The following ZNF678 variants were observed in gnomAD, a reference collection of about 807,000 sequenced individuals.
ZNF678 encodes zinc finger protein 678.
In ZNF678, 5 loss-of-function variants were observed where a neutral mutation model predicts 3.0. The observed-to-expected ratio is 1.69, with a 90% CI of 0.88 to 3.56. The LOEUF (loss-of-function observed/expected upper bound fraction) is 3.56, where lower values mean the gene tolerates loss of function less well. Ranked by LOEUF, ZNF678 falls within the 30% of genes most tolerant of loss-of-function variation. The pLI, the probability that ZNF678 is intolerant of heterozygous loss-of-function variation, is 0.00. For synonymous variants in ZNF678, 218 were observed against 199.6 expected, an observed-to-expected ratio of 1.09 and a Z score of -0.78; for missense variants, 593 against 605.0, an observed-to-expected ratio of 0.98 and a Z score of 0.21.
chr1:227,586,733 C>T (rs563120021), intron 1 of ZNF678, among the ~76,000 whole-genome samples: 102 of 152,304 alleles, frequency 6.7e-4, no homozygotes, highest in African/African-American at 2.3e-3. Context: ...GTGTTTCTTC[C>T]TTGGCATGTG....
At chr1:227,671,091 T>C (rs1462145371) in intron 5 of ZNF678, among the ~76,000 whole-genome samples, 38 of 108,712 alleles carry the variant, frequency 3.5e-4, no homozygotes, top group African/African-American at 1.3e-3. Context: ...TTTTTTTTTT[T>C]CTTAAGACAG....
chr1:227,615,744 C>T (rs926745314), intron 1 of ZNF678, among the ~76,000 whole-genome samples: 1 of 152,196 alleles, frequency 6.6e-6, no homozygotes. Flanking sequence ...TGACAATTTC[C>T]ATCACAGGGT....
At chr1:227,610,334 G>A (rs1245339917) in intron 1 of ZNF678, among the ~76,000 whole-genome samples, 1 of 152,104 alleles carries the variant, frequency 6.6e-6, no homozygotes, top group East Asian at 1.9e-4. Flanking sequence ...CAGAAAACAA[G>A]ATAAACAAAA....
chr1:227,628,941 C>T (rs1157145026), intron 1 of ZNF678, among the ~76,000 whole-genome samples: 1 of 152,140 alleles, frequency 6.6e-6, no homozygotes, highest in Non-Finnish European at 1.5e-5. Context: ...AAAAAGGCAA[C>T]CTTAAGGTCC....
chr1:227,640,533 T>G (rs1658793438), intron 1 of ZNF678, among the ~76,000 whole-genome samples: 1 of 151,900 alleles, frequency 6.6e-6, no homozygotes, highest in Non-Finnish European at 1.5e-5. Context: ...GAGGTCGGGG[T>G]GTAATCTGAG....
At position 227,655,438 on chromosome 1, in the gene ZNF678, G is replaced by C. The variant is rs1456324576; in HGVS notation, c.1188G>C (p.Arg396Ser). Residue 396 changes from arginine to serine, a missense_variant, in exon 4 of 4, where the codon AGG becomes AGC. Transcript: ENST00000343776. ...FNKFSSLTQHRRIHTGVKPYK... is the reference protein window; with the variant it reads ...FNKFSSLTQHSRIHTGVKPYK... ...AGTTCTCAAGCCTTACTCAACATAG[G>C]AGAATTCATACTGGAGTGAAACCCT... is the stretch of plus-strand genomic sequence containing the variant. 1 of 1,611,700 alleles carries C rather than the reference G, an allele frequency of 6.2e-7. No homozygotes were observed. Among genetic ancestry groups the C allele is most frequent in the South Asian group, 1.1e-5 (1 of 90,942 alleles).
At chr1:227,598,987 T>C in intron 1 of ZNF678, 1 of 1,207,708 alleles carries the variant, frequency 8.3e-7, no homozygotes, top group Non-Finnish European at 1.2e-6. Flanking sequence ...GCCAAAACCT[T>C]GGAGCCTTTC....
At chr1:227,666,167 T>C (rs1659501599), downstream of ZNF678, among the ~76,000 whole-genome samples, 1 of 152,208 alleles carries the variant, frequency 6.6e-6, no homozygotes, top group South Asian at 2.1e-4. Context: ...TGCTTCTCTT[T>C]GGCAAGAGAG....
intron 1 of ZNF678, among the ~76,000 whole-genome samples, chr1:227,606,314 T>C (rs1657868885): frequency 6.6e-6 from 1 of 152,172 alleles, no homozygotes; most frequent in Non-Finnish European, 1.5e-5. Context: ...ATCTGCATCA[T>C]AAATAAGTTC....
chr1:227,563,709 C>T lies in ZNF678; in HGVS notation c.-179C>T. The T allele has an allele frequency of 7.5e-7, 1 of 1,331,620 alleles. No individual in the cohort carries two copies. The highest frequency in any genetic ancestry group is 1.0e-6 in the Non-Finnish European group (1 of 1,002,624). 82.5% of individuals were successfully genotyped at this position (1,331,620 alleles called of 1,614,324 possible). A position where few individuals can be genotyped will look rare whatever the true frequency, so the allele number is the denominator to read the frequency against. The stretch of plus-strand genomic sequence containing the variant: ...ACATAGCTAAGATGCCAGGACACCC[C>T]GAAAGCCGGAAAACGGTGAGAGTTC... On this transcript the variant is annotated 5_prime_UTR_variant, in exon 1 of 4. Transcript: ENST00000343776.
At chr1:227,669,400 G>T (rs574073802) in intron 5 of ZNF678, among the ~76,000 whole-genome samples, 2 of 152,188 alleles carry the variant, frequency 1.3e-5, no homozygotes, top group African/African-American at 2.4e-5. Context: ...ACTTTGGGAG[G>T]CCGAGGCGGG....
In ZNF678 at chr1:227,662,057, TTAAGGAGAAGGTTC is replaced by T. The variant is rs1659419584; in HGVS notation, c.*6232_*6245del. 1.3e-5 allele frequency: 2 copies of T among 152,132 alleles called. No individual in the cohort carries two copies. The highest frequency in any genetic ancestry group is 2.1e-4 in the South Asian group (1 of 4,816). The allele number at this position is 152,132 out of a possible 1,614,324, so 9.4% of individuals were successfully genotyped here. The stretch of plus-strand genomic sequence containing the variant: ...CAGTGCATGTGGAGGACATGAGTAT[TTAAGGAGAAGGTTC>T]TAGGCTTCCGAAGTAAAATTGGATG... On this transcript the variant is annotated 3_prime_UTR_variant, in exon 4 of 4. Coordinates refer to ENST00000343776, the MANE Select transcript of ZNF678 (RefSeq NM_001367909.1).
In ZNF678 at chr1:227,646,532, TC is replaced by T. The variant is rs78467777; in HGVS notation, c.-163-3del. The T allele has an allele frequency of 0.43, 560,145 of 1,293,676 alleles. 117,281 individuals carry two copies. Among genetic ancestry groups the T allele is most frequent in the African/African-American group, 0.65 (42,484 of 65,456 alleles). 80.1% of individuals were successfully genotyped at this position (1,293,676 alleles called of 1,614,324 possible). On this transcript the variant is annotated splice_polypyrimidine_tract_variant and intron_variant, in intron 1 of 3. Transcript: ENST00000343776. ...CATTTTGTAAATACGTGTGTATTTT[TC>T]CCCCCCCCAGGGACTACTGGCATTC...
intron 1 of ZNF678, among the ~76,000 whole-genome samples, chr1:227,616,883 A>G (rs1253827660): frequency 6.6e-6 from 1 of 152,182 alleles, no homozygotes; most frequent in Non-Finnish European, 1.5e-5. Flanking sequence ...GTTTTGCTGA[A>G]TGACATGAAA....
rs192673529 is a variant in ZNF678 at position 227,633,173 on chromosome 1, A to G, written c.-163-13371A>G. ...TGGGCCTGGCATGGCGGCAATCAGC[A>G]ATGGTGGACAGCAAGTGAAAGCTCA... On this transcript the variant is annotated intron_variant, in intron 1 of 3. Coordinates refer to ENST00000343776, the MANE Select transcript of ZNF678 (RefSeq NM_001367909.1). 4.7e-3 allele frequency among the ~76,000 whole-genome samples: 720 copies of G among 152,292 alleles called. 7 individuals carry two copies. Among genetic ancestry groups the G allele is most frequent in the African/African-American group, 0.017 (689 of 41,542 alleles).
rs147767271 is a variant in ZNF678, at chr1:227,630,520, C to A, written c.-163-16024C>A. On this transcript the variant is annotated intron_variant, in intron 1 of 3. Transcript: ENST00000343776. ...ATCTGATCTAGCAATAACATTATAT[C>A]TCTCCATGTCAGATCAAAGGATTGC... 4.6e-3 allele frequency among the ~76,000 whole-genome samples: 707 copies of A among 152,344 alleles called. 6 individuals are homozygous for A. The highest frequency in any genetic ancestry group is 0.016 in the African/African-American group (677 of 41,574).
chr1:227,586,230 A>C (rs1233240621), intron 1 of ZNF678, among the ~76,000 whole-genome samples: 1 of 152,216 alleles, frequency 6.6e-6, no homozygotes, highest in East Asian at 1.9e-4. Context: ...AAAAATAATT[A>C]GTCATTCAAA....
chr1:227,632,559 AAGTGGAAGCT>A (rs1219485354), intron 1 of ZNF678, among the ~76,000 whole-genome samples: 1 of 152,044 alleles, frequency 6.6e-6, no homozygotes, highest in African/African-American at 2.4e-5. Context: ...AATATTGTGA[AAGTGGAAGCT>A]AGTTCCAGGG....
chr1:227,667,370 A>T (rs1037547853), downstream of ZNF678, among the ~76,000 whole-genome samples: 40 of 152,156 alleles, frequency 2.6e-4, no homozygotes, highest in African/African-American at 9.7e-4. Context: ...TCTACTCTAT[A>T]TCTCAGTCGA....
Sources: allele counts gnomAD v4.1 joint callset (sites outside exome capture counted in the v4.1 genomes callset), GRCh38; gene constraint gnomAD v4.1.1; transcripts MANE v1.5; gene names NCBI Gene and HGNC (gene_info 2026-07-23, HGNC 2026-07-21).